SLC24A3: variants seen among roughly 807,000 people sequenced by gnomAD.
SLC24A3 encodes solute carrier family 24 member 3, also known as sodium/potassium/calcium exchanger 3.
SLC24A3 carries 28 observed loss-of-function variants against 75.8 expected under a neutral mutation model. The observed-to-expected ratio is 0.37, with a 90% CI of 0.27 to 0.51. The LOEUF (loss-of-function observed/expected upper bound fraction) is 0.51. SLC24A3 is among the 20% of genes least tolerant of loss of function. SLC24A3 has a pLI of 0.94. For missense variants in SLC24A3, 663 were observed against 847.8 expected, an observed-to-expected ratio of 0.78 and a Z score of 2.71; for synonymous variants, 372 against 334.1, an observed-to-expected ratio of 1.11 and a Z score of -1.24.
chr20:19,461,129 T>C (rs1600238875), intron 2 of SLC24A3, among the ~76,000 whole-genome samples: 1 of 152,278 alleles, frequency 6.6e-6, no homozygotes. Flanking sequence ...CATCTGCCTT[T>C]TCAGAGGCTG....
At chr20:19,233,542 T>C (rs1342652791) in intron 1 of SLC24A3, among the ~76,000 whole-genome samples, 2 of 152,240 alleles carry the variant, frequency 1.3e-5, no homozygotes, top group African/African-American at 2.4e-5. Flanking sequence ...ACAAGAAATA[T>C]ACTTGCCTGT....
At chr20:19,332,431 T>C (rs915499416) in intron 2 of SLC24A3, among the ~76,000 whole-genome samples, 4 of 152,156 alleles carry the variant, frequency 2.6e-5, no homozygotes, top group African/African-American at 9.7e-5. Context: ...CGGCACACCA[T>C]CTTTTTTTAT....
intron 1 of SLC24A3, among the ~76,000 whole-genome samples, chr20:19,260,757 G>A (rs1338457591): frequency 3.9e-5 from 6 of 152,202 alleles, no homozygotes; most frequent in Non-Finnish European, 8.8e-5. Flanking sequence ...CAGAAGGCCT[G>A]CGAGGCATCA....
intron 4 of SLC24A3, among the ~76,000 whole-genome samples, chr20:19,584,670 C>T (rs917105877): frequency 4.6e-5 from 7 of 152,140 alleles, no homozygotes; most frequent in Admixed American, 1.3e-4. Flanking sequence ...GTTGAAGACC[C>T]CTAGATCTTC....
At chr20:19,675,922 T>TGCTG (rs1428472507) in intron 9 of SLC24A3, among the ~76,000 whole-genome samples, 1 of 152,188 alleles carries the variant, frequency 6.6e-6, no homozygotes, top group Non-Finnish European at 1.5e-5. Context: ...CATCTTCCTT[T>TGCTG]GCTGTTTTCT....
chr20:19,559,626 G>A (rs1272303818), intron 3 of SLC24A3, among the ~76,000 whole-genome samples: 2 of 152,040 alleles, frequency 1.3e-5, no homozygotes, highest in Admixed American at 6.6e-5. Context: ...AGTGGCAACA[G>A]CTCCTGGTAT....
At chr20:19,426,892 T>C (rs1201152710) in intron 2 of SLC24A3, among the ~76,000 whole-genome samples, 2 of 151,230 alleles carry the variant, frequency 1.3e-5, no homozygotes, top group Non-Finnish European at 3.0e-5. Context: ...GCTTGGCCCT[T>C]GATTGGACAT....
At chr20:19,593,463 C>T (rs2031407435) in intron 6 of SLC24A3, among the ~76,000 whole-genome samples, 1 of 152,222 alleles carries the variant, frequency 6.6e-6, no homozygotes, top group African/African-American at 2.4e-5. Context: ...AACAAGCACA[C>T]CTACAGTACT....
chr20:19,495,558 G>T (rs766285309), intron 2 of SLC24A3, among the ~76,000 whole-genome samples: 9 of 152,198 alleles, frequency 5.9e-5, no homozygotes, highest in Non-Finnish European at 1.3e-4. Context: ...TAAAAAGGCT[G>T]ATTTCATTCG....
At chr20:19,531,871 G>T (rs1178573513) in intron 3 of SLC24A3, among the ~76,000 whole-genome samples, 3 of 152,210 alleles carry the variant, frequency 2.0e-5, no homozygotes, top group African/African-American at 7.2e-5. Flanking sequence ...TGTCCATTTT[G>T]CAGATGGATA....
intron 12 of SLC24A3, among the ~76,000 whole-genome samples, chr20:19,692,898 C>T (rs1265091926): frequency 1.3e-5 from 2 of 151,998 alleles, no homozygotes; most frequent in African/African-American, 4.8e-5. Flanking sequence ...ATTTCGACCC[C>T]CTGCACCTAC....
At chr20:19,261,763 T>A (rs1454594886) in intron 1 of SLC24A3, 1 of 152,230 alleles carries the variant, frequency 6.6e-6, no homozygotes, top group Non-Finnish European at 1.5e-5. Context: ...GCCACGTAGG[T>A]CCGAAAGTTG....
In SLC24A3 at chr20:19,387,156, T is replaced by C. The variant is rs185693510; in HGVS notation, c.271+106069T>C. On this transcript the variant is annotated intron_variant, in intron 2 of 16. Coordinates refer to ENST00000328041, the MANE Select transcript of SLC24A3 (RefSeq NM_020689.4). ...CATAATTGTTCACTGTAGTCTCTTA[T>C]GATCCTTAGTATTTCTGTAGAATCT... Among the ~76,000 whole-genome samples the C allele has an allele frequency of 1.4e-4, 22 of 152,252 alleles. 1 individual carries two copies. Among genetic ancestry groups the C allele is most frequent in the Admixed American group, 1.1e-3 (17 of 15,304 alleles).
chr20:19,406,746 G>T (rs1005107767), intron 2 of SLC24A3, among the ~76,000 whole-genome samples: 36 of 152,172 alleles, frequency 2.4e-4, no homozygotes, highest in Admixed American at 2.4e-3. Flanking sequence ...CTATGCCCTC[G>T]GTGGCTGGTT....
intron 2 of SLC24A3, among the ~76,000 whole-genome samples, chr20:19,324,014 C>A (rs1332582849): frequency 6.6e-6 from 1 of 152,156 alleles, no homozygotes; most frequent in African/African-American, 2.4e-5. Context: ...TACATGAGAT[C>A]ACACACAGGG....
intron 2 of SLC24A3, among the ~76,000 whole-genome samples, chr20:19,325,988 A>G (rs925973986): frequency 1.3e-5 from 2 of 151,938 alleles, no homozygotes; most frequent in Admixed American, 6.6e-5. Context: ...AACCAGTCAC[A>G]TGAGGTCAGG....
chr20:19,363,324 G>A (rs1406491571), intron 2 of SLC24A3, among the ~76,000 whole-genome samples: 1 of 152,212 alleles, frequency 6.6e-6, no homozygotes, highest in African/African-American at 2.4e-5. Context: ...TGTATTACTT[G>A]CCAGACCATT....
chr20:19,600,451 TAAAAG>T (rs1465993837), intron 6 of SLC24A3, among the ~76,000 whole-genome samples: 2 of 152,120 alleles, frequency 1.3e-5, no homozygotes, highest in African/African-American at 4.8e-5. Context: ...GACAATAAAA[TAAAAG>T]AATTGTGCAC....
chr20:19,713,344 A>T (rs2033009867), intron 15 of SLC24A3, among the ~76,000 whole-genome samples: 2 of 152,192 alleles, frequency 1.3e-5, no homozygotes, highest in South Asian at 2.1e-4. Flanking sequence ...ATAGACTCAA[A>T]ATAATTTAAG....
Sources: gnomAD v4.1 joint callset for allele counts (sites outside exome capture counted in the v4.1 genomes callset) on GRCh38, gnomAD v4.1.1 for gene constraint, MANE v1.5 for transcripts, NCBI Gene and HGNC (gene_info 2026-07-23, HGNC 2026-07-21) for gene names.